The following ERBIN variants were observed in gnomAD, a reference collection of about 807,000 sequenced individuals.
ERBIN encodes erbb2 interacting protein.
ERBIN carries 60 observed loss-of-function variants against 158.4 expected under a neutral mutation model. The ratio of observed to expected loss-of-function variants is 0.38; its 90% CI spans 0.31 to 0.47. The LOEUF (loss-of-function observed/expected upper bound fraction) is 0.47. ERBIN is among the 20% of genes least tolerant of loss of function. ERBIN has a pLI of 0.99. For missense variants in ERBIN, 1,610 were observed against 1,648.0 expected (o/e 0.98, Z 0.40); for synonymous variants, 594 against 557.2 (o/e 1.07, Z -0.93).
chr5:66,051,036 A>G lies in ERBIN; in HGVS notation c.2087+70A>G, dbSNP rs1463418502. The G allele has an allele frequency of 1.3e-5, 12 of 954,298 alleles. 1 individual carries two copies. The highest frequency in any genetic ancestry group is 2.6e-4 in the Middle Eastern group (1 of 3,826). 59.1% of individuals were successfully genotyped at this position (954,298 alleles called of 1,614,324 possible). ...AAGTAGTAAGGCAGATAACAAATAC[A>G]TAAATATATAGGGTTTAATAAATAT... is the stretch of plus-strand genomic sequence containing the variant. On this transcript the variant is annotated intron_variant, in intron 20 of 25. Transcript: ENST00000284037.
rs977654135 is a variant in ERBIN, at chr5:66,081,353, T to G, written c.*2823T>G. On this transcript the variant is annotated 3_prime_UTR_variant, in exon 26 of 26. Transcript: ENST00000284037. Reference sequence around the variant, plus strand: ...GACCTCTTTGGACTGGATATGAAGATATATATATATACACTTAATTCTTTT... The same window carrying G: ...GACCTCTTTGGACTGGATATGAAGAGATATATATATACACTTAATTCTTTT... The G allele has an allele frequency of 5.9e-4, 90 of 151,934 alleles. No individual in the cohort carries two copies. Among genetic ancestry groups the G allele is most frequent in the African/African-American group, 2.1e-3 (86 of 41,522 alleles). 9.4% of individuals were successfully genotyped at this position (151,934 alleles called of 1,614,324 possible).
rs551243561 is a variant in ERBIN, at chr5:65,950,726, C to T, written c.-58+23920C>T. On this transcript the variant is annotated intron_variant, in intron 1 of 25. Transcript: ENST00000284037. ...GTTTAAACCACCATATAGATATTTT[C>T]GGGGAGATACTTTGATACTATTTCT... Among the ~76,000 whole-genome samples, 8 of 151,694 alleles carry T rather than the reference C, an allele frequency of 5.3e-5. No homozygotes were observed. The South Asian group carries it at 1.5e-3, about 28-fold the overall frequency.
At chr5:65,942,441 A>C (rs929324397) in intron 1 of ERBIN, among the ~76,000 whole-genome samples, 3 of 152,242 alleles carry the variant, frequency 2.0e-5, no homozygotes, top group African/African-American at 4.8e-5. Context: ...TTCTGAGTTG[A>C]TAGACCTGGT....
chr5:66,082,187 T>A lies in ERBIN; in HGVS notation c.*3657T>A, dbSNP rs1482518819. Reference sequence around the variant, plus strand: ...ATCCAACCACCTGAGAAGCTCATCCTAAGCTGAGAAAGCCTAAAATGTTAG... The same window carrying A: ...ATCCAACCACCTGAGAAGCTCATCCAAAGCTGAGAAAGCCTAAAATGTTAG... On this transcript the variant is annotated 3_prime_UTR_variant, in exon 26 of 26. Transcript: ENST00000284037. 2.0e-5 allele frequency: 3 copies of A among 152,206 alleles called. No individual in the cohort carries two copies. 9.4% of individuals were successfully genotyped at this position (152,206 alleles called of 1,614,324 possible).
rs190778216 is a variant in ERBIN, at chr5:65,956,302, G to A, written c.-58+29496G>A. Among the ~76,000 whole-genome samples the A allele has an allele frequency of 1.6e-4, 25 of 151,774 alleles. No homozygotes were observed. The East Asian group carries it at 4.7e-3, about 28-fold the overall frequency. ...TTTTAAATGCCCATATAGCATGCAT[G>A]CATGCATTCATTTACTTATCTTTTC... On this transcript the variant is annotated intron_variant, in intron 1 of 25. Transcript: ENST00000284037.
chr5:66,027,667 A>T (rs1756425656), intron 13 of ERBIN, among the ~76,000 whole-genome samples: 1 of 151,990 alleles, frequency 6.6e-6, no homozygotes, highest in African/African-American at 2.4e-5. Flanking sequence ...ATATGGGGGG[A>T]TGTGCATAGG....
chr5:65,965,382 GTTTTTTTTTTTTTTTTTTT>G (rs200847060), intron 1 of ERBIN, among the ~76,000 whole-genome samples: 49 of 96,052 alleles, frequency 5.1e-4, no homozygotes, highest in East Asian at 1.1e-3. Context: ...GTTTTTTGTT[GTTTTTTTTTTTTTTTTTTT>G]TTTTTTTTTT....
At chr5:66,070,992 G>T (rs1561456072) in intron 21 of ERBIN, among the ~76,000 whole-genome samples, 1 of 152,104 alleles carries the variant, frequency 6.6e-6, no homozygotes. Flanking sequence ...TATATATAGG[G>T]ATGTGTTTAG....
chr5:65,934,365 CAT>C (rs1366752357), intron 1 of ERBIN, among the ~76,000 whole-genome samples: 10 of 152,130 alleles, frequency 6.6e-5, no homozygotes, highest in South Asian at 2.1e-4. Flanking sequence ...AGTTTGGAAT[CAT>C]GTGTTACATT....
intron 1 of ERBIN, among the ~76,000 whole-genome samples, chr5:65,955,035 C>G (rs1004556816): frequency 6.6e-6 from 1 of 151,982 alleles, no homozygotes; most frequent in Non-Finnish European, 1.5e-5. Flanking sequence ...ACTTGCACTC[C>G]AGCCTGGGTA....
chr5:65,948,121 T>C (rs1746022482), intron 1 of ERBIN, among the ~76,000 whole-genome samples: 1 of 152,130 alleles, frequency 6.6e-6, no homozygotes, highest in Non-Finnish European at 1.5e-5. Flanking sequence ...GCACGTATTC[T>C]ATAGCTGTCA....
intron 20 of ERBIN, among the ~76,000 whole-genome samples, chr5:66,052,979 T>C (rs1275289758): frequency 6.6e-6 from 1 of 152,218 alleles, no homozygotes; most frequent in Admixed American, 6.5e-5. Context: ...CAAAATTAAC[T>C]GTAAAAATGT....
At position 66,078,631 on chromosome 5, in the gene ERBIN, CA is replaced by C. The variant is rs1401458279; in HGVS notation, c.*107del. On this transcript the variant is annotated 3_prime_UTR_variant, in exon 26 of 26. Coordinates refer to ENST00000284037, the MANE Select transcript of ERBIN (RefSeq NM_001253697.2). ...CTATTTTTATATATAAAGAAGAACT[CA>C]AAAAATTATGTTCAAATTTGTACAT... 1 of 735,804 alleles carries C rather than the reference CA, an allele frequency of 1.4e-6. No homozygotes were observed. The highest frequency in any genetic ancestry group is 2.3e-6 in the Non-Finnish European group (1 of 435,152). 45.6% of individuals were successfully genotyped at this position (735,804 alleles called of 1,614,324 possible). A position where few individuals can be genotyped will look rare whatever the true frequency, so the allele number is the denominator to read the frequency against.
At chr5:65,957,219 ATTTTAT>A (rs1747254189) in intron 1 of ERBIN, among the ~76,000 whole-genome samples, 1 of 149,800 alleles carries the variant, frequency 6.7e-6, no homozygotes, top group African/African-American at 2.5e-5. Context: ...TTTTTATTTT[ATTTTAT>A]TTTATTTTTT....
At chr5:66,039,025 C>T (rs1757679909) in intron 15 of ERBIN, among the ~76,000 whole-genome samples, 1 of 148,708 alleles carries the variant, frequency 6.7e-6, no homozygotes. Context: ...GTACTCTCTG[C>T]GTGTGTGTGT....
chr5:66,059,235 C>T (rs1759971944), intron 21 of ERBIN, among the ~76,000 whole-genome samples: 1 of 152,080 alleles, frequency 6.6e-6, no homozygotes, highest in African/African-American at 2.4e-5. Context: ...TGTAGTTCTC[C>T]TTGAAGAGGT....
intron 4 of ERBIN, among the ~76,000 whole-genome samples, chr5:66,007,415 A>G (rs1209892592): frequency 1.5e-5 from 1 of 64,852 alleles, no homozygotes; most frequent in Non-Finnish European, 3.3e-5. Context: ...GGGAGGGGAT[A>G]GCGTTAGGAG....
At chr5:65,978,761 G>C (rs1416787728) in intron 1 of ERBIN, among the ~76,000 whole-genome samples, 1 of 152,082 alleles carries the variant, frequency 6.6e-6, no homozygotes, top group Non-Finnish European at 1.5e-5. Flanking sequence ...ATGATGCTTG[G>C]GTCTGTCCCT....
intron 1 of ERBIN, among the ~76,000 whole-genome samples, chr5:65,941,534 A>G (rs1000492754): frequency 2.0e-5 from 3 of 152,108 alleles, no homozygotes; most frequent in Non-Finnish European, 4.4e-5. Flanking sequence ...CTAATCCCCC[A>G]TAGATACTGA....
Sources: gnomAD v4.1 joint callset for allele counts (sites outside exome capture counted in the v4.1 genomes callset) on GRCh38, gnomAD v4.1.1 for gene constraint, MANE v1.5 for transcripts, NCBI Gene and HGNC (gene_info 2026-07-23, HGNC 2026-07-21) for gene names.